Variants in EYS observed in about 807,000 individuals in gnomAD.
EYS encodes EGF-like photoreceptor maintenance factor, also known as protein eyes shut homolog.
In EYS, 250 loss-of-function variants were observed where a neutral mutation model predicts 282.1. The observed-to-expected ratio is 0.89, with a 90% CI of 0.80 to 0.98. EYS has a LOEUF of 0.98. Among genes scored for constraint, EYS ranks in the 50% least tolerant of loss-of-function variants. EYS has a pLI of 0.00. For missense variants in EYS, 4,016 were observed against 3,709.0 expected, an observed-to-expected ratio of 1.08 and a Z score of -2.15; for synonymous variants, 1,355 against 1,282.9, an observed-to-expected ratio of 1.06 and a Z score of -1.20.
At chr6:65,600,138 T>C (rs1765566179) in intron 2 of EYS, among the ~76,000 whole-genome samples, 1 of 152,058 alleles carries the variant, frequency 6.6e-6, no homozygotes, top group Admixed American at 6.6e-5. Flanking sequence ...TAGCAGGTAG[T>C]GATTCCTAAC....
intron 26 of EYS, among the ~76,000 whole-genome samples, chr6:64,548,837 A>G (rs374206732): frequency 2.8e-4 from 43 of 152,336 alleles, no homozygotes; most frequent in Middle Eastern, 3.4e-3. Context: ...ATAAAAAAAA[A>G]AGAAAGAATA....
At chr6:64,383,051 G>A (rs1193834824) in intron 29 of EYS, among the ~76,000 whole-genome samples, 1 of 152,186 alleles carries the variant, frequency 6.6e-6, no homozygotes, top group Non-Finnish European at 1.5e-5. Context: ...TATTTGGGAG[G>A]CTAAGGTGGA....
rs1766130552 is a variant in EYS, at chr6:64,858,334, A to G, written c.2992+28363T>C. 2.0e-5 allele frequency among the ~76,000 whole-genome samples: 3 copies of G among 152,258 alleles called. No individual in the cohort carries two copies. The South Asian group carries it at 6.2e-4, about 32-fold the overall frequency. On this transcript the variant is annotated intron_variant, in intron 19 of 42. Transcript: ENST00000503581. The stretch of plus-strand genomic sequence containing the variant: ...TGTCTGGATAGCCAGTTTTTCCAGC[A>G]TCACTGATTGGGGAGACTATCCTTT...
intron 29 of EYS, among the ~76,000 whole-genome samples, chr6:64,343,049 C>T (rs1426984802): frequency 2.0e-5 from 3 of 152,094 alleles, no homozygotes; most frequent in Non-Finnish European, 4.4e-5. Flanking sequence ...CACCCAGATT[C>T]ATAAAGCAAG....
intron 39 of EYS, among the ~76,000 whole-genome samples, chr6:63,784,858 T>C (rs1345283094): frequency 1.3e-5 from 2 of 152,172 alleles, no homozygotes; most frequent in African/African-American, 2.4e-5. Flanking sequence ...GAAAATGGTA[T>C]AATTCATTAG....
chr6:64,822,059 C>G (rs1330099827), intron 20 of EYS, among the ~76,000 whole-genome samples: 1 of 152,038 alleles, frequency 6.6e-6, no homozygotes, highest in Non-Finnish European at 1.5e-5. Context: ...TCTCTCTTCC[C>G]TGCTTACAAA....
chr6:65,097,814 C>A (rs909537980), intron 12 of EYS, among the ~76,000 whole-genome samples: 8 of 147,988 alleles, frequency 5.4e-5, no homozygotes, highest in African/African-American at 2.0e-4. Flanking sequence ...AAAAAAAAAA[C>A]AAAGTACAAT....
chr6:65,326,783 T>G (rs539351809), intron 11 of EYS, among the ~76,000 whole-genome samples: 6 of 151,752 alleles, frequency 4.0e-5, no homozygotes, highest in Non-Finnish European at 8.9e-5. Flanking sequence ...GTTTATTCCT[T>G]GGTGTTTTAT....
chr6:64,981,421 A>T (rs1411869556), intron 14 of EYS, among the ~76,000 whole-genome samples: 1 of 151,012 alleles, frequency 6.6e-6, no homozygotes, highest in Admixed American at 6.6e-5. Flanking sequence ...GAACAAATTC[A>T]CTTTTGTTCA....
chr6:65,434,085 T>A (rs1767975783), intron 5 of EYS, among the ~76,000 whole-genome samples: 1 of 152,170 alleles, frequency 6.6e-6, no homozygotes, highest in African/African-American at 2.4e-5. Flanking sequence ...TCAGTGAACA[T>A]TTTAAAAAGG....
chr6:64,439,711 A>G (rs1009670829), intron 26 of EYS, among the ~76,000 whole-genome samples: 2 of 151,980 alleles, frequency 1.3e-5, no homozygotes, highest in African/African-American at 4.8e-5. Flanking sequence ...TAATATTGTT[A>G]ATAATTTAAT....
intron 2 of EYS, among the ~76,000 whole-genome samples, chr6:65,514,584 A>C (rs1767045086): frequency 6.6e-6 from 1 of 152,222 alleles, no homozygotes; most frequent in Non-Finnish European, 1.5e-5. Flanking sequence ...ACTTGTACCA[A>C]AACAGAGATA....
chr6:63,835,149 T>C (rs1336202055), intron 36 of EYS, among the ~76,000 whole-genome samples: 1 of 151,558 alleles, frequency 6.6e-6, no homozygotes, highest in East Asian at 1.9e-4. Flanking sequence ...TATGTATACA[T>C]ATGTAACAAA....
At chr6:65,467,439 T>TAA (rs202220187) in intron 5 of EYS, among the ~76,000 whole-genome samples, 1 of 150,910 alleles carries the variant, frequency 6.6e-6, no homozygotes, top group African/African-American at 2.4e-5. Context: ...CTAACAGTTA[T>TAA]AAAAAAAAAT....
At chr6:64,405,231 T>G (rs1021590541) in intron 28 of EYS, among the ~76,000 whole-genome samples, 1 of 152,150 alleles carries the variant, frequency 6.6e-6, no homozygotes, top group Non-Finnish European at 1.5e-5. Flanking sequence ...ATATCTTAAT[T>G]AACCCATCCT....
At chr6:65,474,800 AGAT>A (rs1765338544) in intron 5 of EYS, among the ~76,000 whole-genome samples, 1 of 152,156 alleles carries the variant, frequency 6.6e-6, no homozygotes, top group South Asian at 2.1e-4. Context: ...ACACAGAAAC[AGAT>A]GACCAGTAAA....
rs796724574 is a variant in EYS, at chr6:64,104,825, A to G, written c.6425-22823T>C. On this transcript the variant is annotated intron_variant, in intron 31 of 42. Transcript: ENST00000503581. ...TGCAGCATTCCCACTAATCCTGTTTAGTCTTAAAATTGTTATGACATCTTG... is the reference window on the plus strand; with the variant it reads ...TGCAGCATTCCCACTAATCCTGTTTGGTCTTAAAATTGTTATGACATCTTG... 8.8e-5 allele frequency among the ~76,000 whole-genome samples: 13 copies of G among 148,180 alleles called. 1 individual carries two copies. The highest frequency in any genetic ancestry group is 3.3e-4 in the African/African-American group (13 of 39,944).
intron 11 of EYS, among the ~76,000 whole-genome samples, chr6:65,307,965 T>TTTTA (rs573278421): frequency 0.046 from 6,973 of 151,020 alleles, 219 homozygotes; most frequent in South Asian, 0.087. Flanking sequence ...AGCCTTTTAT[T>TTTTA]TTTATTTATT....
rs536564496 is a variant in EYS at position 64,998,559 on chromosome 6, G to A, written c.2138-856C>T. Among the ~76,000 whole-genome samples the A allele has an allele frequency of 5.3e-5, 8 of 152,284 alleles. 1 individual carries two copies. Among genetic ancestry groups the A allele is most frequent in the African/African-American group, 1.9e-4 (8 of 41,564 alleles). On this transcript the variant is annotated intron_variant, in intron 13 of 42. Coordinates refer to ENST00000503581, the MANE Select transcript of EYS (RefSeq NM_001142800.2). The stretch of plus-strand genomic sequence containing the variant: ...AACATGTGTAACTAGGGCCTCTAAG[G>A]AGAACAGGGCAGTCATAGACATCAA...
Sources: gnomAD v4.1 joint callset for allele counts (sites outside exome capture counted in the v4.1 genomes callset) on GRCh38, gnomAD v4.1.1 for gene constraint, MANE v1.5 for transcripts, NCBI Gene and HGNC (gene_info 2026-07-23, HGNC 2026-07-21) for gene names.